ZNF880: variants seen among roughly 807,000 people sequenced by gnomAD.
ZNF880 encodes zinc finger protein 880.
A neutral mutation model predicts 11.8 loss-of-function variants in ZNF880; 12 were observed. That is an observed-to-expected ratio of 1.02 (90% CI 0.65 to 1.65). The LOEUF (loss-of-function observed/expected upper bound fraction) is 1.65. Among genes scored for constraint, ZNF880 ranks in the 40% most tolerant of loss-of-function variants. The pLI is 0.00. For missense variants in ZNF880, 601 were observed against 673.9 expected, an observed-to-expected ratio of 0.89 and a Z score of 1.20; for synonymous variants, 210 against 232.4, an observed-to-expected ratio of 0.90 and a Z score of 0.88.
intron 3 of ZNF880, among the ~76,000 whole-genome samples, chr19:52,378,020 G>T (rs977712897): frequency 6.6e-6 from 1 of 151,990 alleles, no homozygotes; most frequent in African/African-American, 2.4e-5. Flanking sequence ...TCAGTCTCCA[G>T]CCCCTCTTCC....
At chr19:52,376,842 T>C (rs1271225479) in intron 3 of ZNF880, among the ~76,000 whole-genome samples, 2 of 152,124 alleles carry the variant, frequency 1.3e-5, no homozygotes, top group Non-Finnish European at 1.5e-5. Context: ...TTGTTTGTTT[T>C]TTTCTTGCTG....
chr19:52,376,493 ACCGCCC>A (rs1192302774), intron 3 of ZNF880, among the ~76,000 whole-genome samples: 13 of 104,454 alleles, frequency 1.2e-4, no homozygotes, highest in East Asian at 3.5e-4. Flanking sequence ...TGTCCTTAGC[ACCGCCC>A]CCCCCCCCCC....
downstream of ZNF880, among the ~76,000 whole-genome samples, chr19:52,388,282 CT>C (rs68179783): frequency 0.099 from 6,206 of 62,848 alleles, 409 homozygotes; most frequent in South Asian, 0.26. Context: ...GCAATTTGAA[CT>C]TTTTTTTTTT....
Position 52,369,997 on chromosome 19 carries a change from G to C in ZNF880, c.12+20G>C. On this transcript the variant is annotated intron_variant, in intron 1 of 3. Coordinates refer to ENST00000422689, the MANE Select transcript of ZNF880 (RefSeq NM_001145434.2). ...CGGCGTGTGAGTTTCCCTTTGTTTA[G>C]ATTAAATCTGGGATGCTGAGTCCCC... 1.3e-6 allele frequency: 2 copies of C among 1,551,614 alleles called. No homozygotes were observed. Among genetic ancestry groups the C allele is most frequent in the Non-Finnish European group, 1.7e-6 (2 of 1,146,970 alleles).
At chr19:52,376,240 C>T (rs1054777490) in intron 3 of ZNF880, among the ~76,000 whole-genome samples, 4 of 152,062 alleles carry the variant, frequency 2.6e-5, no homozygotes, top group South Asian at 2.1e-4. Context: ...GGAATCTCCC[C>T]GCTGTTCTCC....
At chr19:52,393,128 A>G in the ZNF880 span, among the ~76,000 whole-genome samples, 1 of 150,342 alleles carries the variant, frequency 6.7e-6, no homozygotes, top group Non-Finnish European at 1.5e-5. Context: ...GCTGGAGTAC[A>G]GTGGCGCAAT....
At chr19:52,387,770 A>G (rs1372608258), downstream of ZNF880, among the ~76,000 whole-genome samples, 1 of 142,592 alleles carries the variant, frequency 7.0e-6, no homozygotes, top group Non-Finnish European at 1.5e-5. Context: ...TAAATGAAAG[A>G]AAGTATGTTA....
rs1416695741 is a variant in ZNF880 at position 52,384,210 on chromosome 19, C to A, written c.630C>A (p.Asn210Lys). ...ANNQVIHTAD[N>K]PYKCNECDKV... ...ATCAAGTAATCCACACTGCAGATAACCCTTACAAATGTAATGAATGTGACA... is the reference window on the plus strand; with the variant it reads ...ATCAAGTAATCCACACTGCAGATAAACCTTACAAATGTAATGAATGTGACA... Residue 210 changes from asparagine (N) to lysine (K), a missense_variant, in exon 4 of 4, where the codon AAC (asparagine) becomes AAA (lysine). Around this residue, in one of 3 missense-constraint regions of ZNF880, gnomAD observed 420 missense variants for 442.6 expected, o/e 0.95. Coordinates refer to ENST00000422689, the MANE Select transcript of ZNF880 (RefSeq NM_001145434.2). The A allele has an allele frequency of 1.9e-6, 3 of 1,611,868 alleles. No individual in the cohort carries two copies. The highest frequency in any genetic ancestry group is 2.7e-5 in the African/African-American group (2 of 74,860).
upstream of ZNF880, among the ~76,000 whole-genome samples, chr19:52,369,205 A>G (rs1462414055): frequency 2.6e-5 from 4 of 151,460 alleles, 1 homozygote; most frequent in Non-Finnish European, 5.9e-5. Context: ...TATTAAAAGT[A>G]CAAAAAAGTA....
chr19:52,381,249 C>T (rs1315783811), intron 3 of ZNF880, among the ~76,000 whole-genome samples: 1 of 152,120 alleles, frequency 6.6e-6, no homozygotes, highest in Non-Finnish European at 1.5e-5. Flanking sequence ...TGCATCCAGC[C>T]TCATTCTGTA....
downstream of ZNF880, among the ~76,000 whole-genome samples, chr19:52,388,141 G>A (rs1986939231): frequency 1.3e-5 from 2 of 151,346 alleles, no homozygotes; most frequent in African/African-American, 4.9e-5. Context: ...GACTCCCAAA[G>A]TGCGGGGATT....
intron 3 of ZNF880, among the ~76,000 whole-genome samples, chr19:52,376,212 C>G (rs1986546043): frequency 6.6e-6 from 1 of 152,078 alleles, no homozygotes; most frequent in African/African-American, 2.4e-5. Flanking sequence ...AATGGTAGAT[C>G]TACTTTTAGT....
At chr19:52,367,858 ATAG>A (rs1986187107), upstream of ZNF880, 1 of 152,134 alleles carries the variant, frequency 6.6e-6, no homozygotes, top group Non-Finnish European at 1.5e-5. Context: ...GCAAAAATAT[ATAG>A]TAATATGACA....
In ZNF880 at chr19:52,384,313, T is replaced by G. The variant is rs1369187602; in HGVS notation, c.733T>G (p.Cys245Gly). The G allele has an allele frequency of 1.2e-6, 2 of 1,613,574 alleles. No individual in the cohort carries two copies. Among genetic ancestry groups the G allele is most frequent in the African/African-American group, 2.7e-5 (2 of 74,944 alleles). ...TGEKPYKCHE[C>G]GKLFNRISLL... ...AGAGAAGCCTTACAAGTGTCATGAA[T>G]GTGGCAAGCTCTTCAATCGAATTTC... Residue 245 changes from cysteine to glycine, a missense_variant, in exon 4 of 4, where the codon TGT (cysteine) becomes GGT (glycine). Around this residue, in one of 3 missense-constraint regions of ZNF880, gnomAD observed 420 missense variants for 442.6 expected, o/e 0.95. Transcript: ENST00000422689.
chr19:52,379,536 C>T, intron 3 of ZNF880: 1 of 420,538 alleles, frequency 2.4e-6, no homozygotes, highest in Non-Finnish European at 4.7e-6. Flanking sequence ...GCTAGGATTA[C>T]AGGCGTGAGC....
intron 3 of ZNF880, among the ~76,000 whole-genome samples, chr19:52,376,509 C>CTTTTTTTTTTTTTTTTTTTTTTTTTT (rs869288387): frequency 5.1e-5 from 3 of 58,324 alleles, no homozygotes; most frequent in African/African-American, 1.5e-4. Context: ...CCCCCCCCCC[C>CTTTTTTTTTTTTTTTTTTTTTTTTTT]TTTTTTTTTT....
At position 52,371,090 on chromosome 19, in the gene ZNF880, G is replaced by C. The variant is rs569681624; in HGVS notation, c.12+1113G>C. ...GAGTGCACAGATGAGCAAGTCTATT[G>C]TTTTTATCAAAGGCGCATCATCAGT... On this transcript the variant is annotated intron_variant, in intron 1 of 3. Coordinates refer to ENST00000422689, the MANE Select transcript of ZNF880 (RefSeq NM_001145434.2). Among the ~76,000 whole-genome samples, 319 of 151,814 alleles carry C rather than the reference G, an allele frequency of 2.1e-3. 2 individuals are homozygous for C. Among genetic ancestry groups the C allele is most frequent in the African/African-American group, 7.4e-3 (308 of 41,548 alleles).
At chr19:52,395,403 G>A in the ZNF880 span, 1 of 152,168 alleles carries the variant, frequency 6.6e-6, no homozygotes, top group South Asian at 2.1e-4. Flanking sequence ...AGTTTCCCAT[G>A]ATACTGCTTT....
chr19:52,392,623 C>T, the ZNF880 span: 10 of 186,534 alleles, frequency 5.4e-5, no homozygotes, highest in Admixed American at 5.8e-4. Context: ...TTTAAAGGTG[C>T]CACAGTACAC....
Sources: gnomAD v4.1 joint callset for allele counts (sites outside exome capture counted in the v4.1 genomes callset) on GRCh38, gnomAD v4.1.1 for gene constraint, gnomAD v4.1.1 regional missense constraint, MANE v1.5 for transcripts, NCBI Gene and HGNC (gene_info 2026-07-23, HGNC 2026-07-21) for gene names.